Variants in PLBD1 observed in about 807,000 individuals in gnomAD.
PLBD1 encodes lysosomal leucine aminopeptidase.
Under a neutral mutation model 63.0 loss-of-function variants are expected in PLBD1, and 60 were observed. That is an observed-to-expected ratio of 0.95 (90% CI 0.77 to 1.18). The LOEUF (loss-of-function observed/expected upper bound fraction) is 1.18, where lower values mean the gene tolerates loss of function less well. PLBD1 is among the 50% of genes most tolerant of loss of function. The probability of loss-of-function intolerance (pLI) is 0.00; values close to 1 mark genes in which losing one functional copy is unlikely to be tolerated. For synonymous variants in PLBD1, 262 were observed against 248.0 expected, an observed-to-expected ratio of 1.06 and a Z score of -0.53; for missense variants, 598 against 677.9, an observed-to-expected ratio of 0.88 and a Z score of 1.31.
chr12:14,558,875 A>G (rs1945726978), intron 1 of PLBD1, among the ~76,000 whole-genome samples: 1 of 152,198 alleles, frequency 6.6e-6, no homozygotes, highest in Non-Finnish European at 1.5e-5. Context: ...ATGAATGAAA[A>G]AACCTTTACT....
chr12:14,559,662 T>C lies in PLBD1; in HGVS notation c.116-6250A>G, dbSNP rs188568599. On this transcript the variant is annotated intron_variant, in intron 1 of 10. Transcript: ENST00000240617. ...CAGAATTCAAACATTTTAACAGCAA[T>C]ATCCTCAAAATCAATGCACTTGATT... Among the ~76,000 whole-genome samples, 251 of 152,266 alleles carry C rather than the reference T, an allele frequency of 1.6e-3. No individual in the cohort carries two copies. The Middle Eastern group carries it at 0.017, about 10-fold the overall frequency.
intron 2 of PLBD1, among the ~76,000 whole-genome samples, chr12:14,549,947 C>T (rs1032119784): frequency 1.3e-5 from 2 of 152,186 alleles, no homozygotes; most frequent in South Asian, 2.1e-4. Flanking sequence ...GGTTTACAGG[C>T]GTGAGACACC....
intron 4 of PLBD1, among the ~76,000 whole-genome samples, chr12:14,539,988 A>C (rs1336306371): frequency 1.4e-5 from 2 of 138,588 alleles, no homozygotes; most frequent in African/African-American, 5.4e-5. Context: ...CAAAATAGAC[A>C]AAAAGTTCAA....
intron 1 of PLBD1, among the ~76,000 whole-genome samples, chr12:14,557,229 G>A (rs751169319): frequency 2.0e-5 from 3 of 152,150 alleles, no homozygotes; most frequent in Non-Finnish European, 2.9e-5. Context: ...CGGTGACAGT[G>A]TAAATCAGTT....
chr12:14,538,917 T>C (rs61920171), intron 4 of PLBD1, among the ~76,000 whole-genome samples: 1,768 of 152,102 alleles, frequency 0.012, 11 homozygotes, highest in Middle Eastern at 0.031. Flanking sequence ...TCCCAGCTAC[T>C]CAAGAGGCTG....
intron 1 of PLBD1, among the ~76,000 whole-genome samples, chr12:14,565,939 T>C (rs1353918573): frequency 6.6e-6 from 1 of 152,206 alleles, no homozygotes; most frequent in Non-Finnish European, 1.5e-5. Flanking sequence ...GTCAGCTTCC[T>C]GTTGGAGGAA....
chr12:14,561,353 G>A (rs549370748), intron 1 of PLBD1, among the ~76,000 whole-genome samples: 1 of 152,086 alleles, frequency 6.6e-6, no homozygotes, highest in East Asian at 1.9e-4. Flanking sequence ...TCAGCTGAAA[G>A]TCAACTTTGC....
chr12:14,529,373 T>C (rs1945441901), intron 6 of PLBD1, among the ~76,000 whole-genome samples: 1 of 151,602 alleles, frequency 6.6e-6, no homozygotes. Flanking sequence ...TGAATGTAAA[T>C]GAAAAAAATC....
At chr12:14,553,753 C>G (rs777963998) in intron 1 of PLBD1, 13 of 346,998 alleles carry the variant, frequency 3.7e-5, no homozygotes, top group Non-Finnish European at 7.1e-5. Flanking sequence ...TTTGGAGGTT[C>G]TCGCAGGATG....
intron 1 of PLBD1, among the ~76,000 whole-genome samples, chr12:14,559,495 T>C (rs192176218): frequency 3.3e-5 from 5 of 152,228 alleles, no homozygotes; most frequent in Non-Finnish European, 7.4e-5. Context: ...CAGAAGTTAG[T>C]ATGAAATAAC....
chr12:14,542,800 C>A (rs745983741), intron 2 of PLBD1, among the ~76,000 whole-genome samples: 3 of 152,148 alleles, frequency 2.0e-5, no homozygotes, highest in Non-Finnish European at 2.9e-5. Context: ...GTAATCCCAG[C>A]ACTTTGGGAG....
intron 10 of PLBD1, among the ~76,000 whole-genome samples, chr12:14,505,553 G>A (rs966886072): frequency 9.9e-5 from 15 of 152,076 alleles, no homozygotes; most frequent in African/African-American, 3.1e-4. Flanking sequence ...CCATCAACAC[G>A]TCAACTAACA....
intron 8 of PLBD1, 148 bp from the exon 9 acceptor site, chr12:14,507,266 C>T: frequency 3.1e-6 from 2 of 640,626 alleles, no homozygotes; most frequent in Non-Finnish European, 5.2e-6. Flanking sequence ...GAAAATAAAG[C>T]TTTGCATGTG....
chr12:14,546,890 C>CT (rs968836609), intron 2 of PLBD1, among the ~76,000 whole-genome samples: 5 of 150,912 alleles, frequency 3.3e-5, no homozygotes, highest in South Asian at 4.2e-4. Flanking sequence ...TTTCTTTTTT[C>CT]TTTTTTTTCA....
In PLBD1 at chr12:14,556,621, G is replaced by A. The variant is rs142794169; in HGVS notation, c.116-3209C>T. On this transcript the variant is annotated intron_variant, in intron 1 of 10. Coordinates refer to ENST00000240617, the MANE Select transcript of PLBD1 (RefSeq NM_024829.6). Reference sequence around the variant, plus strand: ...CAACCTCAGGTGATCCGCCTGCCTCGGCCTCCCAAAGTGCTTGGATTACAG... The same window carrying A: ...CAACCTCAGGTGATCCGCCTGCCTCAGCCTCCCAAAGTGCTTGGATTACAG... 1.8e-3 allele frequency among the ~76,000 whole-genome samples: 272 copies of A among 151,646 alleles called. 8 individuals are homozygous for A. In the East Asian group the frequency reaches 0.045, roughly 25 times the overall value.
intron 2 of PLBD1, among the ~76,000 whole-genome samples, chr12:14,549,990 A>T (rs146562744): frequency 6.6e-6 from 1 of 152,118 alleles, no homozygotes; most frequent in African/African-American, 2.4e-5. Context: ...TTGTAAATGC[A>T]ACTTACTCAT....
At chr12:14,516,684 T>C (rs12311535) in intron 6 of PLBD1, among the ~76,000 whole-genome samples, 3,457 of 152,198 alleles carry the variant, frequency 0.023, 121 homozygotes, top group African/African-American at 0.079. Flanking sequence ...GCCTCACTTA[T>C]AGATCATTAA....
chr12:14,513,852 A>T (rs969436790), intron 6 of PLBD1, among the ~76,000 whole-genome samples: 2 of 147,640 alleles, frequency 1.4e-5, no homozygotes, highest in Non-Finnish European at 3.0e-5. Context: ...TGATCTTGGC[A>T]CACTGCAAAT....
intron 8 of PLBD1, among the ~76,000 whole-genome samples, chr12:14,510,385 C>G (rs1945287909): frequency 6.6e-6 from 1 of 152,130 alleles, no homozygotes; most frequent in Admixed American, 6.6e-5. Context: ...CAGAGCGACA[C>G]TCCATCTGAA....
Sources: gnomAD v4.1 joint callset for allele counts (sites outside exome capture counted in the v4.1 genomes callset) on GRCh38, gnomAD v4.1.1 for gene constraint, MANE v1.5 for transcripts, NCBI Gene and HGNC (gene_info 2026-07-23, HGNC 2026-07-21) for gene names.